Variants in CPLANE1 observed in about 807,000 individuals in gnomAD.
CPLANE1 encodes ciliogenesis and planar polarity effector 1.
Under a neutral mutation model 362.5 loss-of-function variants are expected in CPLANE1, and 263 were observed. That is an observed-to-expected ratio of 0.73 (90% confidence interval 0.66 to 0.80). The LOEUF is 0.80. CPLANE1 is among the 30% of genes least tolerant of loss of function. The probability of loss-of-function intolerance (pLI) is 0.00; values close to 1 mark genes in which losing one functional copy is unlikely to be tolerated. For missense variants in CPLANE1, 3,461 were observed against 3,793.4 expected, an observed-to-expected ratio of 0.91 and a Z score of 2.30; for synonymous variants, 1,212 against 1,302.6, an observed-to-expected ratio of 0.93 and a Z score of 1.50.
chr5:37,138,718 A>G lies in CPLANE1; in HGVS notation c.8792+2T>C. On this transcript the variant is annotated splice_donor_variant, in intron 46 of 52. Coordinates refer to ENST00000651892, the MANE Select transcript of CPLANE1 (RefSeq NM_001384732.1). LOFTEE classifies it high-confidence loss of function. Reference sequence around the variant, plus strand: ...GTTAAAAATGAATTATTCAATGATTACCTGGAGGTGCCCATAGCTTGTTCT... The same window carrying G: ...GTTAAAAATGAATTATTCAATGATTGCCTGGAGGTGCCCATAGCTTGTTCT... 6.2e-7 allele frequency: 1 copy of G among 1,603,806 alleles called. No homozygotes were observed. The highest frequency in any genetic ancestry group is 2.2e-5 in the East Asian group (1 of 44,708).
intron 1 of CPLANE1, among the ~76,000 whole-genome samples, chr5:37,248,111 AT>A (rs1183045197): frequency 6.8e-6 from 1 of 147,520 alleles, no homozygotes; most frequent in Non-Finnish European, 1.5e-5. Flanking sequence ...TTAACTGACA[AT>A]TTTCATAAAG....
intron 32 of CPLANE1, among the ~76,000 whole-genome samples, chr5:37,172,476 T>C (rs752990980): frequency 6.6e-6 from 1 of 152,168 alleles, no homozygotes; most frequent in South Asian, 2.1e-4. Context: ...ATGTGTTAAA[T>C]ATATAGGACA....
chr5:37,226,546 C>A lies in CPLANE1; in HGVS notation c.2049G>T (p.Glu683Asp). 6.5e-7 allele frequency: 1 copy of A among 1,548,800 alleles called. No individual in the cohort carries two copies. Among genetic ancestry groups the A allele is most frequent in the Non-Finnish European group, 8.7e-7 (1 of 1,145,998 alleles). The change falls in exon 12 of 53, where the codon GAG becomes GAT. Residue 683 changes from glutamate (E) to aspartate (D), a missense_variant. Glu to Asp is a conservative substitution (Grantham distance 45). Around this residue, in one of 2 missense-constraint regions of CPLANE1, gnomAD observed 3,380 missense variants for 3,666.1 expected, o/e 0.92. Transcript: ENST00000651892. ...TQQQKGQLFS[E>D]KLLACFYLLK... ...GTAAATAAAAACAAGCTAAAAGTTTCTCTGAGAATAACTGACCCTTTTGTT... is the reference window on the plus strand; with the variant it reads ...GTAAATAAAAACAAGCTAAAAGTTTATCTGAGAATAACTGACCCTTTTGTT...
the CPLANE1 span, chr5:37,085,582 C>G: frequency 1.5e-5 from 13 of 858,494 alleles, no homozygotes; most frequent in South Asian, 1.4e-4. Context: ...AAGTTCAACA[C>G]TGGTACACTG....
At chr5:37,145,252 C>CTGCAG (rs2150464956) in intron 43 of CPLANE1, among the ~76,000 whole-genome samples, 1 of 152,262 alleles carries the variant, frequency 6.6e-6, no homozygotes, top group East Asian at 1.9e-4. Context: ...TTGCAGTGAG[C>CTGCAG]TGAGATCACA....
intron 18 of CPLANE1, among the ~76,000 whole-genome samples, chr5:37,204,094 C>T (rs1364674324): frequency 6.6e-6 from 1 of 152,148 alleles, no homozygotes; most frequent in Non-Finnish European, 1.5e-5. Context: ...ATTGCCAAAA[C>T]TCAAAGTTCA....
intron 37 of CPLANE1, among the ~76,000 whole-genome samples, chr5:37,163,218 T>A (rs1777335198): frequency 6.6e-6 from 1 of 151,982 alleles, no homozygotes; most frequent in Non-Finnish European, 1.5e-5. Flanking sequence ...CTAGTAATGG[T>A]GAGGGATGGG....
intron 42 of CPLANE1, 38 bp from the exon 43 acceptor site, chr5:37,148,306 C>A: frequency 7.3e-7 from 1 of 1,368,808 alleles, no homozygotes; most frequent in Non-Finnish European, 1.0e-6. Flanking sequence ...AACAGTAATA[C>A]TTTGATAATT....
chr5:37,232,856 A>G (rs1243082860), intron 8 of CPLANE1, among the ~76,000 whole-genome samples: 1 of 151,254 alleles, frequency 6.6e-6, no homozygotes, highest in African/African-American at 2.4e-5. Context: ...AAAAAAAAAA[A>G]AAAAAAGAAA....
chr5:37,193,229 T>C (rs544223383), intron 21 of CPLANE1, among the ~76,000 whole-genome samples: 1 of 152,292 alleles, frequency 6.6e-6, no homozygotes, highest in South Asian at 2.1e-4. Context: ...ACTGAAGTAC[T>C]TATTGTACTT....
the CPLANE1 span, among the ~76,000 whole-genome samples, chr5:37,079,517 C>T: frequency 6.6e-6 from 1 of 152,182 alleles, no homozygotes; most frequent in African/African-American, 2.4e-5. Flanking sequence ...CAACTCACTC[C>T]TACCACAGAA....
At chr5:37,085,728 C>G in the CPLANE1 span, 1 of 1,294,354 alleles carries the variant, frequency 7.7e-7, no homozygotes, top group Non-Finnish European at 1.1e-6. Context: ...ACTCGACTTT[C>G]CAACATTTTT....
chr5:37,101,541 T>C (rs570730592), downstream of CPLANE1, among the ~76,000 whole-genome samples: 22 of 152,336 alleles, frequency 1.4e-4, no homozygotes, highest in South Asian at 1.0e-3. Context: ...TCAATGTTCA[T>C]CAGGGATATT....
intron 50 of CPLANE1, among the ~76,000 whole-genome samples, chr5:37,117,514 C>T (rs553853846): frequency 1.3e-5 from 2 of 151,972 alleles, no homozygotes; most frequent in South Asian, 4.2e-4. Flanking sequence ...ATTATATCAG[C>T]GTGGATGAAC....
intron 43 of CPLANE1, among the ~76,000 whole-genome samples, chr5:37,147,744 CT>C (rs879705151): frequency 7.2e-5 from 11 of 152,102 alleles, no homozygotes; most frequent in Non-Finnish European, 1.2e-4. Context: ...TAATTTCATT[CT>C]TTCAATAAAA....
intron 34 of CPLANE1, 74 bp downstream of exon 34, chr5:37,168,717 A>T: frequency 8.3e-7 from 1 of 1,205,520 alleles, no homozygotes; most frequent in Non-Finnish European, 1.2e-6. Context: ...CTTTTCAGTG[A>T]CCATACAGTA....
chr5:37,177,667 C>T lies in CPLANE1; in HGVS notation c.5854G>A (p.Glu1952Lys). 2 of 1,613,828 alleles carry T rather than the reference C, an allele frequency of 1.2e-6. No homozygotes were observed. Among genetic ancestry groups the T allele is most frequent in the Non-Finnish European group, 1.7e-6 (2 of 1,179,850 alleles). ...FTEEVQCQRE[E>K]PLETIMEEKS... ...TCCTCCATAATTGTCTCCAGTGGTT[C>T]TTCCCTTTGACACTGAACCTCTTCT... The change falls in exon 30 of 53, where the codon GAA becomes AAA. Residue 1952 changes from glutamate to lysine, a missense_variant. By Grantham distance (56) the Glu-to-Lys change is moderately conservative (BLOSUM62 1). Transcript: ENST00000651892.
intron 51 of CPLANE1, among the ~76,000 whole-genome samples, chr5:37,113,970 G>A (rs1049239988): frequency 5.3e-5 from 8 of 152,048 alleles, no homozygotes; most frequent in Non-Finnish European, 1.0e-4. Context: ...ATGCCACCAC[G>A]CCCAGCTAAT....
intron 45 of CPLANE1, 76 bp from the exon 46 acceptor site, chr5:37,138,924 T>C: frequency 7.8e-7 from 1 of 1,280,124 alleles, no homozygotes; most frequent in South Asian, 1.4e-5. Flanking sequence ...AATAAACATG[T>C]AACAAATGAA....
Sources: gnomAD v4.1 joint callset for allele counts (sites outside exome capture counted in the v4.1 genomes callset) on GRCh38, gnomAD v4.1.1 for gene constraint, gnomAD v4.1.1 regional missense constraint, MANE v1.5 for transcripts, NCBI Gene and HGNC (gene_info 2026-07-23, HGNC 2026-07-21) for gene names.